ASXL1: variants seen among roughly 807,000 people sequenced by gnomAD.
ASXL1 encodes the protein polycomb group protein ASXL1.
In ASXL1, 65 loss-of-function variants were observed where a neutral mutation model predicts 89.1. That is an observed-to-expected ratio of 0.73 (90% CI 0.60 to 0.90). ASXL1 has a LOEUF of 0.90. Ranked by LOEUF, ASXL1 falls within the 40% of genes least tolerant of loss-of-function variation. The pLI is 0.00. For synonymous variants in ASXL1, 739 were observed against 746.9 expected, an observed-to-expected ratio of 0.99 and a Z score of 0.17; for missense variants, 1,786 against 1,942.9, an observed-to-expected ratio of 0.92 and a Z score of 1.52.
chr20:32,377,775 C>A (rs1049291144), intron 4 of ASXL1, among the ~76,000 whole-genome samples: 2 of 151,274 alleles, frequency 1.3e-5, no homozygotes, highest in African/African-American at 4.9e-5. Context: ...ACCTCAGCCT[C>A]CTGCGTAGCT....
At chr20:32,418,609 C>A (rs1451896928) in intron 4 of ASXL1, among the ~76,000 whole-genome samples, 2 of 152,068 alleles carry the variant, frequency 1.3e-5, no homozygotes, top group African/African-American at 4.8e-5. Context: ...TTCTCACCTC[C>A]TCCTAGTCCC....
rs371545683 is a variant in ASXL1 at position 32,436,128 on chromosome 20, C to G, written c.3416C>G (p.Thr1139Arg). The G allele has an allele frequency of 3.7e-6, 6 of 1,614,200 alleles. No homozygotes were observed. Among genetic ancestry groups the G allele is most frequent in the South Asian group, 1.1e-5 (1 of 91,082 alleles). The change falls in exon 13 of 13, where the codon ACA becomes AGA. Residue 1139 changes from threonine (T) to arginine (R), a missense_variant. Around this residue, in one of 3 missense-constraint regions of ASXL1, gnomAD observed 1,418 missense variants for 1,427.8 expected, o/e 0.99. Coordinates refer to ENST00000375687, the MANE Select transcript of ASXL1 (RefSeq NM_015338.6). ...SMSESPQVPL[T>R]KDQSHGSLRM... ...TCAGAATCCCCACAAGTACCACTTA[C>G]AAAAGACCAGAGCCATGGCTCGCTA...
chr20:32,402,537 C>T (rs1019027260), intron 4 of ASXL1, among the ~76,000 whole-genome samples: 2 of 152,226 alleles, frequency 1.3e-5, no homozygotes, highest in Non-Finnish European at 2.9e-5. Context: ...AACGACTACA[C>T]TGTTTTCCAG....
intron 4 of ASXL1, among the ~76,000 whole-genome samples, chr20:32,375,621 G>A (rs1448083228): frequency 6.6e-6 from 1 of 151,794 alleles, no homozygotes; most frequent in Non-Finnish European, 1.5e-5. Flanking sequence ...ATCCAATCAT[G>A]ATATTTTTGA....
In ASXL1 at chr20:32,437,269, C is replaced by T. The variant is rs547168439; in HGVS notation, c.4557C>T (p.Cys1519=). ...AAGCCATGATCATGTGCCAAGGCTG[C>T]GGTGCGTTCTGTCACGATGACTGTA... The part of the protein sequence containing the change: ...SLKAMIMCQG[C]GAFCHDDCIG... Residue 1519 remains cysteine, a synonymous_variant, in exon 13 of 13, where the codon TGC becomes TGT. Transcript: ENST00000375687. The T allele has an allele frequency of 3.2e-5, 52 of 1,614,092 alleles. 1 individual carries two copies. In the South Asian group the frequency reaches 3.6e-4, roughly 11 times the overall value.
At chr20:32,419,327 C>G (rs1055519576) in intron 4 of ASXL1, among the ~76,000 whole-genome samples, 1 of 152,000 alleles carries the variant, frequency 6.6e-6, no homozygotes, top group Admixed American at 6.5e-5. Flanking sequence ...CTCAGCCTCC[C>G]GAGTAGCTGA....
intron 4 of ASXL1, among the ~76,000 whole-genome samples, chr20:32,403,350 C>T (rs1194823190): frequency 1.3e-5 from 2 of 152,152 alleles, no homozygotes; most frequent in African/African-American, 2.4e-5. Context: ...CCTCCACCTT[C>T]GTTTTTCTTT....
At chr20:32,360,524 T>G (rs1362681826) in intron 1 of ASXL1, 3 of 152,534 alleles carry the variant, frequency 2.0e-5, no homozygotes, top group Non-Finnish European at 4.4e-5. Flanking sequence ...GTTCCTGTTA[T>G]GCGGGTGTTT....
At chr20:32,367,788 G>C in intron 3 of ASXL1, 59 bp downstream of exon 3, 2 of 779,814 alleles carry the variant, frequency 2.6e-6, no homozygotes, top group South Asian at 1.3e-5. Context: ...TCTGCTTCTT[G>C]TTCTTAGAGG....
chr20:32,372,206 T>C, intron 4 of ASXL1: 1 of 1,345,364 alleles, frequency 7.4e-7, no homozygotes, highest in Non-Finnish European at 9.8e-7. Flanking sequence ...AATTTTAATA[T>C]ATCTTTGAAT....
intron 4 of ASXL1, among the ~76,000 whole-genome samples, chr20:32,422,929 A>G (rs114213914): frequency 0.036 from 5,437 of 152,140 alleles, 314 homozygotes; most frequent in African/African-American, 0.12. Context: ...ATCACCCATT[A>G]TTAATTTTTT....
chr20:32,377,040 A>G (rs1343175292), intron 4 of ASXL1, among the ~76,000 whole-genome samples: 1 of 139,900 alleles, frequency 7.1e-6, no homozygotes. Flanking sequence ...GATATAATAT[A>G]CAACAGATAT....
intron 4 of ASXL1, among the ~76,000 whole-genome samples, chr20:32,381,588 C>T (rs903947099): frequency 9.4e-5 from 14 of 149,594 alleles, no homozygotes; most frequent in Non-Finnish European, 1.8e-4. Context: ...GATCTCGGCT[C>T]ACTGCAAGCT....
At position 32,438,195 on chromosome 20, in the gene ASXL1, ATTT is replaced by A. The variant is rs2145401811; in HGVS notation, c.*860_*862del. 1 of 233,218 alleles carries A rather than the reference ATTT, an allele frequency of 4.3e-6. No individual in the cohort carries two copies. Among genetic ancestry groups the A allele is most frequent in the Non-Finnish European group, 8.5e-6 (1 of 117,810 alleles). 14.4% of individuals were successfully genotyped at this position (233,218 alleles called of 1,614,324 possible). The stretch of plus-strand genomic sequence containing the variant: ...CATTTCAAAGCAGTGTGTGTTTCTT[ATTT>A]TTATATTTTTAACTCTTTATTCTTG... On this transcript the variant is annotated 3_prime_UTR_variant, in exon 13 of 13. Transcript: ENST00000375687.
intron 4 of ASXL1, among the ~76,000 whole-genome samples, chr20:32,426,220 G>A (rs980120245): frequency 6.6e-6 from 1 of 151,940 alleles, no homozygotes; most frequent in Non-Finnish European, 1.5e-5. Context: ...TATTTTTTAG[G>A]TTTTGGCTAA....
At chr20:32,427,697 G>T in intron 4 of ASXL1, 1 of 251,560 alleles carries the variant, frequency 4.0e-6, no homozygotes, top group Non-Finnish European at 7.8e-6. Flanking sequence ...TCACCTCCAT[G>T]CCGTCTTTCG....
intron 4 of ASXL1, among the ~76,000 whole-genome samples, chr20:32,419,767 C>G (rs148935110): frequency 6.6e-6 from 1 of 151,426 alleles, no homozygotes. Context: ...CTGCAACCTC[C>G]GTCTCCCATT....
In ASXL1 at chr20:32,434,943, G is replaced by A; in HGVS notation, c.2231G>A (p.Gly744Glu). The change falls in exon 13 of 13, where the codon GGA becomes GAA. Residue 744 changes from glycine (G) to glutamate (E), a missense_variant. By Grantham distance (98) the Gly-to-Glu change is moderately conservative. Around this residue, in one of 3 missense-constraint regions of ASXL1, gnomAD observed 1,418 missense variants for 1,427.8 expected, o/e 0.99. Transcript: ENST00000375687. ...ACAGTTGGACTCACAGATGGGCTAGGAGATGCCTCCCAACTCCCCGTTGCT... is the reference window on the plus strand; with the variant it reads ...ACAGTTGGACTCACAGATGGGCTAGAAGATGCCTCCCAACTCCCCGTTGCT... ...RATVGLTDGLGDASQLPVAPT... is the reference protein window; with the variant it reads ...RATVGLTDGLEDASQLPVAPT... 1 of 1,614,160 alleles carries A rather than the reference G, an allele frequency of 6.2e-7. No individual in the cohort carries two copies. The highest frequency in any genetic ancestry group is 8.5e-7 in the Non-Finnish European group (1 of 1,180,026).
In ASXL1 at chr20:32,429,003, A is replaced by G. The variant is rs2011432718; in HGVS notation, c.472-335A>G. On this transcript the variant is annotated intron_variant, in intron 6 of 12. Transcript: ENST00000375687. The surrounding 1 kb of genome is among the most constrained non-coding windows in gnomAD (Gnocchi z 4.9). ...GTAATATACACGTGAACATTCAGGGAGAAGTGTGGTTAGTGCAGAGTAGAG... is the reference window on the plus strand; with the variant it reads ...GTAATATACACGTGAACATTCAGGGGGAAGTGTGGTTAGTGCAGAGTAGAG... 1 of 373,602 alleles carries G rather than the reference A, an allele frequency of 2.7e-6. No individual in the cohort carries two copies. Among genetic ancestry groups the G allele is most frequent in the Non-Finnish European group, 5.2e-6 (1 of 193,538 alleles). 23.1% of individuals were successfully genotyped at this position (373,602 alleles called of 1,614,324 possible). A position where few individuals can be genotyped will look rare whatever the true frequency, so the allele number is the denominator to read the frequency against.
Sources: allele counts gnomAD v4.1 joint callset (sites outside exome capture counted in the v4.1 genomes callset), GRCh38; gene constraint gnomAD v4.1.1; regional missense constraint gnomAD v4.1.1; non-coding constraint Gnocchi (gnomAD v3.1); transcripts MANE v1.5; gene names NCBI Gene and HGNC (gene_info 2026-07-23, HGNC 2026-07-21).